FOCAD: variants seen among roughly 807,000 people sequenced by gnomAD.
FOCAD encodes the protein focadhesin.
In FOCAD, 198 loss-of-function variants were observed where a neutral mutation model predicts 225.6. The ratio of observed to expected loss-of-function variants is 0.88; its 90% confidence interval spans 0.78 to 0.99. The LOEUF (loss-of-function observed/expected upper bound fraction) is 0.99. Among genes scored for constraint, FOCAD ranks in the 50% least tolerant of loss-of-function variants. The pLI is 0.00. For missense variants in FOCAD, 2,713 were observed against 2,123.6 expected, an observed-to-expected ratio of 1.28 and a Z score of -5.46; for synonymous variants, 897 against 755.0, an observed-to-expected ratio of 1.19 and a Z score of -3.08.
At chr9:20,916,994 G>A in intron 24 of FOCAD, 57 bp downstream of exon 24, 1 of 1,380,344 alleles carries the variant, frequency 7.2e-7, no homozygotes, top group South Asian at 1.4e-5. Flanking sequence ...TTCCTGGCAG[G>A]TACATACATT....
chr9:20,801,051 A>T (rs1821766293), intron 11 of FOCAD, among the ~76,000 whole-genome samples: 1 of 152,046 alleles, frequency 6.6e-6, no homozygotes, highest in African/African-American at 2.4e-5. Flanking sequence ...TCTGTTTGTT[A>T]GTTTTCCTTC....
At chr9:20,906,683 T>G (rs1488957158) in intron 21 of FOCAD, among the ~76,000 whole-genome samples, 2 of 152,096 alleles carry the variant, frequency 1.3e-5, no homozygotes, top group Non-Finnish European at 2.9e-5. Flanking sequence ...CACTGTGGTT[T>G]CTACACAACA....
chr9:20,972,936 T>C (rs191251520), intron 35 of FOCAD, among the ~76,000 whole-genome samples: 1 of 152,166 alleles, frequency 6.6e-6, no homozygotes, highest in African/African-American at 2.4e-5. Flanking sequence ...TGGCCACTGC[T>C]CCTTGTTCCT....
At chr9:20,835,621 A>G (rs1037129490) in intron 15 of FOCAD, among the ~76,000 whole-genome samples, 24 of 152,218 alleles carry the variant, frequency 1.6e-4, no homozygotes, top group Middle Eastern at 3.4e-3. Context: ...GTCTAAACAA[A>G]TTGTCCAGGG....
chr9:20,860,748 T>A (rs1403478402), intron 15 of FOCAD, among the ~76,000 whole-genome samples: 1 of 152,220 alleles, frequency 6.6e-6, no homozygotes, highest in Non-Finnish European at 1.5e-5. Flanking sequence ...TGACCTTAAG[T>A]GATCCACCCA....
intron 23 of FOCAD, among the ~76,000 whole-genome samples, chr9:20,913,177 C>CACACAT (rs1833590904): frequency 6.6e-6 from 1 of 151,076 alleles, no homozygotes; most frequent in Non-Finnish European, 1.5e-5. Flanking sequence ...CACACACACA[C>CACACAT]ACACACACAC....
chr9:20,723,495 A>G (rs1825952696), intron 4 of FOCAD, among the ~76,000 whole-genome samples: 3 of 152,260 alleles, frequency 2.0e-5, no homozygotes, highest in Admixed American at 2.0e-4. Flanking sequence ...CTTGGTCTCA[A>G]AAGAGAAAAG....
rs568330963 is a variant in FOCAD, at chr9:20,901,453, C to T, written c.2626-5697C>T. Among the ~76,000 whole-genome samples the T allele has an allele frequency of 6.4e-4, 97 of 151,906 alleles. 1 individual carries two copies. The highest frequency in any genetic ancestry group is 1.1e-3 in the Non-Finnish European group (76 of 67,872). On this transcript the variant is annotated intron_variant, in intron 21 of 43. Coordinates refer to ENST00000338382, the MANE Select transcript of FOCAD (RefSeq NM_001375567.1). ...TTCTAGTTCGACAATCAAAGAATGC[C>T]ATCAAAGTTTGTTACCTGATTTATA...
chr9:20,748,242 C>T (rs1262342973), intron 5 of FOCAD, among the ~76,000 whole-genome samples: 2 of 152,038 alleles, frequency 1.3e-5, no homozygotes, highest in South Asian at 2.1e-4. Context: ...GTTATAACAA[C>T]TTACACTCAG....
At chr9:20,940,159 A>T (rs1001645563) in intron 28 of FOCAD, among the ~76,000 whole-genome samples, 2 of 152,110 alleles carry the variant, frequency 1.3e-5, no homozygotes, top group African/African-American at 4.8e-5. Context: ...AGCCCAATTA[A>T]AAGCTCAGGC....
intron 35 of FOCAD, among the ~76,000 whole-genome samples, chr9:20,961,806 T>C (rs1838757729): frequency 1.3e-5 from 2 of 152,138 alleles, no homozygotes; most frequent in African/African-American, 4.8e-5. Flanking sequence ...CACTCAGGTC[T>C]CCACTGGGTG....
chr9:20,933,131 A>T, intron 28 of FOCAD, 28 bp downstream of exon 28: 1 of 1,512,866 alleles, frequency 6.6e-7, no homozygotes, highest in Non-Finnish European at 9.2e-7. Flanking sequence ...CCACTCTCAC[A>T]GGTACTTAGA....
In FOCAD at chr9:20,929,467, A is replaced by G. The variant is rs746170059; in HGVS notation, c.3188A>G (p.Glu1063Gly). Residue 1063 changes from glutamate (E) to glycine (G), a missense_variant, in exon 27 of 44, where the codon GAG (glutamate) becomes GGG (glycine). Coordinates refer to ENST00000338382, the MANE Select transcript of FOCAD (RefSeq NM_001375567.1). ...ATTATCTCTTGCAAAGAGAAGGTTG[A>G]GGAAATCCTGAACATGCTGACTGCC... The part of the protein sequence containing the change: ...VFIISCKEKV[E>G]EILNMLTARL... The G allele has an allele frequency of 5.6e-6, 9 of 1,614,010 alleles. No homozygotes were observed. The African/African-American group carries it at 8.0e-5, about 14-fold the overall frequency.
In FOCAD at chr9:20,791,027, T is replaced by G. The variant is rs138152946; in HGVS notation, c.1455+1419T>G. On this transcript the variant is annotated intron_variant, in intron 11 of 43. Coordinates refer to ENST00000338382, the MANE Select transcript of FOCAD (RefSeq NM_001375567.1). ...CTGCTTTATCTCTCCTTTTATTTCC[T>G]GTAGTGATCCTGCTTCTAACCAATG... Among the ~76,000 whole-genome samples the G allele has an allele frequency of 3.3e-5, 5 of 152,338 alleles. No individual in the cohort carries two copies. The East Asian group carries it at 9.6e-4, about 29-fold the overall frequency.
At chr9:20,872,242 C>T (rs920930207) in intron 18 of FOCAD, among the ~76,000 whole-genome samples, 9 of 152,252 alleles carry the variant, frequency 5.9e-5, no homozygotes, top group South Asian at 2.1e-4. Context: ...ATGGGTTGGT[C>T]AGTTTGCTTT....
intron 11 of FOCAD, among the ~76,000 whole-genome samples, chr9:20,790,764 C>CA (rs1394800924): frequency 6.6e-6 from 1 of 151,626 alleles, no homozygotes; most frequent in African/African-American, 2.4e-5. Context: ...GTCTCAAAAG[C>CA]AAAAAACAAA....
intron 15 of FOCAD, among the ~76,000 whole-genome samples, chr9:20,855,203 A>G (rs1678323805): frequency 1.3e-5 from 2 of 151,652 alleles, no homozygotes; most frequent in Admixed American, 1.3e-4. Context: ...TTTCCCATGT[A>G]TAAGAAATAG....
chr9:20,975,968 C>T (rs1247446480), intron 35 of FOCAD, among the ~76,000 whole-genome samples: 2 of 152,058 alleles, frequency 1.3e-5, no homozygotes, highest in African/African-American at 4.8e-5. Context: ...GGAATAAGTT[C>T]AAATACGGGG....
chr9:20,935,765 G>T (rs992378692), intron 28 of FOCAD, among the ~76,000 whole-genome samples: 2 of 152,130 alleles, frequency 1.3e-5, no homozygotes, highest in African/African-American at 4.8e-5. Flanking sequence ...GCCTTTGACC[G>T]ATGATTTATG....
Sources: allele counts gnomAD v4.1 joint callset (sites outside exome capture counted in the v4.1 genomes callset), GRCh38; gene constraint gnomAD v4.1.1; transcripts MANE v1.5; gene names NCBI Gene and HGNC (gene_info 2026-07-23, HGNC 2026-07-21).